Variants in ADGRL3 observed in about 807,000 individuals in gnomAD.
ADGRL3 encodes the protein adhesion G protein-coupled receptor L3.
A neutral mutation model predicts 153.5 loss-of-function variants in ADGRL3; 62 were observed. The observed-to-expected ratio is 0.40, with a 90% confidence interval of 0.33 to 0.50. ADGRL3 has a LOEUF of 0.50. Among genes scored for constraint, ADGRL3 ranks in the 20% least tolerant of loss-of-function variants. The pLI is 0.47. For missense variants in ADGRL3, 1,641 were observed against 1,859.4 expected (o/e 0.88, Z 2.16); for synonymous variants, 710 against 672.5 (o/e 1.06, Z -0.86).
chr4:61,297,900 T>G (rs2094464952), intron 1 of ADGRL3, among the ~76,000 whole-genome samples: 3 of 152,050 alleles, frequency 2.0e-5, no homozygotes, highest in Admixed American at 2.0e-4. Context: ...CAGTATCATT[T>G]GCGAGACTTC....
At chr4:62,032,505 A>C (rs1416536806) in intron 23 of ADGRL3, among the ~76,000 whole-genome samples, 1 of 151,524 alleles carries the variant, frequency 6.6e-6, no homozygotes, top group African/African-American at 2.4e-5. Context: ...CCCATGTCTC[A>C]GTTTACTCAT....
intron 1 of ADGRL3, among the ~76,000 whole-genome samples, chr4:61,256,770 T>C (rs1416314787): frequency 1.3e-5 from 2 of 152,148 alleles, no homozygotes; most frequent in Non-Finnish European, 2.9e-5. Flanking sequence ...CAGGTTAAAA[T>C]CACATTTTAA....
chr4:61,672,179 A>T (rs2095031774), intron 5 of ADGRL3, among the ~76,000 whole-genome samples: 1 of 152,002 alleles, frequency 6.6e-6, no homozygotes, highest in Admixed American at 6.6e-5. Context: ...ATAGTTTTAT[A>T]GTTTTAGGTT....
intron 17 of ADGRL3, among the ~76,000 whole-genome samples, chr4:61,974,450 A>G (rs1436632247): frequency 4.6e-5 from 7 of 152,154 alleles, no homozygotes; most frequent in African/African-American, 1.4e-4. Flanking sequence ...TCCTCTCTAT[A>G]TCATTTATAT....
At chr4:61,329,768 A>G (rs1419233056) in intron 1 of ADGRL3, among the ~76,000 whole-genome samples, 1 of 152,188 alleles carries the variant, frequency 6.6e-6, no homozygotes, top group African/African-American at 2.4e-5. Flanking sequence ...TGATTTTCTA[A>G]TGGTGGACAT....
At chr4:61,580,389 G>A (rs115210881) in intron 4 of ADGRL3, among the ~76,000 whole-genome samples, 6 of 151,894 alleles carry the variant, frequency 4.0e-5, no homozygotes, top group East Asian at 3.9e-4. Context: ...TTAAGCAAAC[G>A]GATGGTAATA....
chr4:61,856,666 G>A (rs2098271490), intron 9 of ADGRL3, among the ~76,000 whole-genome samples: 1 of 128,152 alleles, frequency 7.8e-6, no homozygotes, highest in African/African-American at 3.0e-5. Context: ...ACCCAGGCTG[G>A]AGTGCAGTGG....
intron 8 of ADGRL3, among the ~76,000 whole-genome samples, chr4:61,759,928 G>C (rs2096889101): frequency 6.6e-6 from 1 of 152,152 alleles, no homozygotes; most frequent in African/African-American, 2.4e-5. Flanking sequence ...GAGTTTGCCG[G>C]AGGTCTGCTC....
intron 1 of ADGRL3, among the ~76,000 whole-genome samples, chr4:61,352,078 A>G (rs1472481164): frequency 6.6e-6 from 1 of 152,302 alleles, no homozygotes; most frequent in Middle Eastern, 3.4e-3. Context: ...TTCATGGGGA[A>G]ATATCAAAAT....
chr4:61,926,683 A>G (rs937713617), intron 13 of ADGRL3, among the ~76,000 whole-genome samples: 1 of 152,216 alleles, frequency 6.6e-6, no homozygotes, highest in African/African-American at 2.4e-5. Flanking sequence ...CATGTAAAGC[A>G]TTCATATCAA....
intron 8 of ADGRL3, among the ~76,000 whole-genome samples, chr4:61,769,557 G>A (rs1439713918): frequency 6.6e-6 from 1 of 152,086 alleles, no homozygotes; most frequent in East Asian, 1.9e-4. Context: ...GCGCGTCCAT[G>A]TGAAGAGACC....
At chr4:61,499,346 A>G (rs960602202) in intron 3 of ADGRL3, among the ~76,000 whole-genome samples, 1 of 152,210 alleles carries the variant, frequency 6.6e-6, no homozygotes, top group Admixed American at 6.5e-5. Context: ...TAAAATTTCA[A>G]AATCTTTTCT....
At chr4:61,832,812 C>CTTTTTT (rs11340246) in intron 9 of ADGRL3, among the ~76,000 whole-genome samples, 1 of 137,040 alleles carries the variant, frequency 7.3e-6, no homozygotes, top group African/African-American at 2.7e-5. Context: ...TTTTCTTTTT[C>CTTTTTT]TTTTTTTTTT....
chr4:61,292,307 A>G (rs539127179), intron 1 of ADGRL3, among the ~76,000 whole-genome samples: 23 of 152,222 alleles, frequency 1.5e-4, no homozygotes, highest in African/African-American at 3.9e-4. Context: ...GTTTACTTCA[A>G]TGGGAAAGTA....
chr4:61,821,946 T>C (rs1055265656), intron 9 of ADGRL3, among the ~76,000 whole-genome samples: 1 of 152,208 alleles, frequency 6.6e-6, no homozygotes, highest in African/African-American at 2.4e-5. Flanking sequence ...CACCTGCTAT[T>C]ATCTAGTTAA....
At chr4:61,990,446 G>A (rs1327946800) in intron 19 of ADGRL3, among the ~76,000 whole-genome samples, 2 of 151,726 alleles carry the variant, frequency 1.3e-5, no homozygotes, top group Non-Finnish European at 2.9e-5. Flanking sequence ...TGGGTACAGA[G>A]TTTCATTTTG....
At chr4:61,917,822 G>A (rs1274586577) in intron 13 of ADGRL3, among the ~76,000 whole-genome samples, 2 of 152,028 alleles carry the variant, frequency 1.3e-5, no homozygotes, top group South Asian at 2.1e-4. Context: ...TCCTGAAATG[G>A]AAATATTCCT....
At chr4:61,622,536 T>C (rs138996563) in intron 5 of ADGRL3, among the ~76,000 whole-genome samples, 3 of 151,714 alleles carry the variant, frequency 2.0e-5, no homozygotes, top group East Asian at 3.9e-4. Flanking sequence ...AAAGTAAAAA[T>C]CATAATGATA....
intron 17 of ADGRL3, among the ~76,000 whole-genome samples, chr4:61,961,238 C>T (rs1442228718): frequency 6.6e-6 from 1 of 152,110 alleles, no homozygotes; most frequent in African/African-American, 2.4e-5. Flanking sequence ...AAAAAGATAG[C>T]TGCCACCTTC....
Sources: gnomAD v4.1 joint callset for allele counts (sites outside exome capture counted in the v4.1 genomes callset) on GRCh38, gnomAD v4.1.1 for gene constraint, MANE v1.5 for transcripts, NCBI Gene and HGNC (gene_info 2026-07-23, HGNC 2026-07-21) for gene names.